The following STXBP6 variants were observed in gnomAD, a reference collection of about 807,000 sequenced individuals.
STXBP6 encodes syntaxin binding protein 6, also known as syntaxin-binding protein 6.
STXBP6 carries 21 observed loss-of-function variants against 26.9 expected under a neutral mutation model. That is an observed-to-expected ratio of 0.78 (90% confidence interval 0.55 to 1.12). The LOEUF is 1.12. STXBP6 is among the 50% of genes most tolerant of loss of function. STXBP6 has a pLI of 0.00. For missense variants in STXBP6, 232 were observed against 257.9 expected, an observed-to-expected ratio of 0.90 and a Z score of 0.69; for synonymous variants, 97 against 92.6, an observed-to-expected ratio of 1.05 and a Z score of -0.27.
intron 2 of STXBP6, among the ~76,000 whole-genome samples, chr14:24,947,203 C>T (rs1476440009): frequency 7.2e-6 from 1 of 139,800 alleles, no homozygotes; most frequent in Admixed American, 7.2e-5. Flanking sequence ...TAGAGAGCTC[C>T]ATATGTGAAG....
chr14:24,983,632 A>C (rs2074255095), intron 1 of STXBP6, among the ~76,000 whole-genome samples: 1 of 152,222 alleles, frequency 6.6e-6, no homozygotes, highest in Non-Finnish European at 1.5e-5. Context: ...TTGCAGATTT[A>C]AAAAGAAAAC....
intron 4 of STXBP6, among the ~76,000 whole-genome samples, chr14:24,844,915 C>A (rs1259314806): frequency 6.6e-6 from 1 of 151,896 alleles, no homozygotes; most frequent in African/African-American, 2.4e-5. Context: ...ACAAGTGGGG[C>A]ATTATGATGA....
At chr14:24,869,231 A>G (rs2069837756) in intron 2 of STXBP6, among the ~76,000 whole-genome samples, 1 of 152,078 alleles carries the variant, frequency 6.6e-6, no homozygotes, top group Non-Finnish European at 1.5e-5. Flanking sequence ...CTTTTTTTAA[A>G]TCCAGGGTCA....
At chr14:24,822,931 A>G (rs1240365446) in intron 4 of STXBP6, among the ~76,000 whole-genome samples, 1 of 152,116 alleles carries the variant, frequency 6.6e-6, no homozygotes, top group African/African-American at 2.4e-5. Context: ...AAAAGTTGGG[A>G]CTCATCATAT....
intron 2 of STXBP6, among the ~76,000 whole-genome samples, chr14:24,912,009 C>T (rs1312403115): frequency 6.6e-6 from 1 of 152,070 alleles, no homozygotes; most frequent in Non-Finnish European, 1.5e-5. Context: ...GAGTCTTTTC[C>T]ATTTAAATAT....
intron 2 of STXBP6, among the ~76,000 whole-genome samples, chr14:24,945,090 G>C (rs1044527278): frequency 1.4e-5 from 2 of 143,878 alleles, no homozygotes; most frequent in African/African-American, 5.1e-5. Flanking sequence ...CAATTTATTG[G>C]CTATAAAAAC....
At chr14:25,006,162 C>G (rs1055997488) in intron 1 of STXBP6, among the ~76,000 whole-genome samples, 1 of 152,188 alleles carries the variant, frequency 6.6e-6, no homozygotes, top group African/African-American at 2.4e-5. Context: ...GTTCCTCTTC[C>G]TCACGCTGAA....
At chr14:24,957,897 G>A (rs1459009098) in intron 2 of STXBP6, among the ~76,000 whole-genome samples, 1 of 152,152 alleles carries the variant, frequency 6.6e-6, no homozygotes, top group African/African-American at 2.4e-5. Flanking sequence ...GGAAATAAAA[G>A]AAATGCAGAG....
intron 4 of STXBP6, among the ~76,000 whole-genome samples, chr14:24,836,627 AAAG>A (rs2138973556): frequency 6.6e-6 from 1 of 151,450 alleles, no homozygotes; most frequent in Admixed American, 6.6e-5. Flanking sequence ...AAAAAAAAAA[AAAG>A]AAGTGAAAAT....
At chr14:24,866,669 ACCTCATATTCAAGGATTGGAGG>A (rs1177755549) in intron 2 of STXBP6, among the ~76,000 whole-genome samples, 1 of 151,892 alleles carries the variant, frequency 6.6e-6, no homozygotes, top group Non-Finnish European at 1.5e-5. Context: ...ATGTAAAAAT[ACCTCATATTCAAGGATTGGAGG>A]ACTTAATGTT....
At chr14:24,915,116 A>G (rs997189652) in intron 2 of STXBP6, among the ~76,000 whole-genome samples, 1 of 152,190 alleles carries the variant, frequency 6.6e-6, no homozygotes, top group East Asian at 1.9e-4. Context: ...ATTTCATGTC[A>G]TTACTGTCTA....
At chr14:25,038,355 T>C (rs1226630713) in intron 1 of STXBP6, among the ~76,000 whole-genome samples, 1 of 152,136 alleles carries the variant, frequency 6.6e-6, no homozygotes, top group Non-Finnish European at 1.5e-5. Flanking sequence ...AAATCAGCAG[T>C]TGTAGACACA....
chr14:25,030,281 C>A (rs1275128563), intron 1 of STXBP6, among the ~76,000 whole-genome samples: 1 of 152,168 alleles, frequency 6.6e-6, no homozygotes, highest in Non-Finnish European at 1.5e-5. Context: ...CAGGACAGTA[C>A]CCCATGCCCA....
At chr14:24,871,687 C>T (rs1016797374) in intron 2 of STXBP6, among the ~76,000 whole-genome samples, 1 of 152,170 alleles carries the variant, frequency 6.6e-6, no homozygotes, top group African/African-American at 2.4e-5. Context: ...AGCCATGGCC[C>T]ACTACTGGAT....
intron 2 of STXBP6, among the ~76,000 whole-genome samples, chr14:24,903,504 C>A (rs972086481): frequency 5.3e-5 from 8 of 152,058 alleles, no homozygotes; most frequent in African/African-American, 7.2e-5. Flanking sequence ...TTTAGTACTG[C>A]CTAACAGTCC....
chr14:24,892,675 T>C (rs2070835101), intron 2 of STXBP6, among the ~76,000 whole-genome samples: 1 of 152,204 alleles, frequency 6.6e-6, no homozygotes, highest in Admixed American at 6.5e-5. Flanking sequence ...CCTTGTGCTC[T>C]GGCATCCCAT....
intron 2 of STXBP6, among the ~76,000 whole-genome samples, chr14:24,915,038 A>G (rs1166715844): frequency 6.6e-6 from 1 of 152,116 alleles, no homozygotes; most frequent in African/African-American, 2.4e-5. Context: ...TTTTAAGGAG[A>G]AGAGAGAGGA....
intron 2 of STXBP6, among the ~76,000 whole-genome samples, chr14:24,907,754 C>T (rs1289495481): frequency 6.6e-6 from 1 of 152,114 alleles, no homozygotes; most frequent in Non-Finnish European, 1.5e-5. Flanking sequence ...ATGAAAGAGA[C>T]ACTGATATTA....
intron 4 of STXBP6, among the ~76,000 whole-genome samples, chr14:24,834,173 T>C (rs1391147814): frequency 6.6e-6 from 1 of 152,170 alleles, no homozygotes; most frequent in Non-Finnish European, 1.5e-5. Flanking sequence ...TTTTTAATTT[T>C]CTGTAGAGAC....
Sources: allele counts gnomAD v4.1 joint callset (sites outside exome capture counted in the v4.1 genomes callset), GRCh38; gene constraint gnomAD v4.1.1; transcripts MANE v1.5; gene names NCBI Gene and HGNC (gene_info 2026-07-23, HGNC 2026-07-21).